ITGA6: variants seen among roughly 807,000 people sequenced by gnomAD.
ITGA6 encodes the protein integrin subunit alpha 6.
ITGA6 carries 63 observed loss-of-function variants against 133.6 expected under a neutral mutation model. The observed-to-expected ratio is 0.47, with a 90% confidence interval of 0.38 to 0.58. ITGA6 has a LOEUF of 0.58. Among genes scored for constraint, ITGA6 ranks in the 20% least tolerant of loss-of-function variants. ITGA6 has a pLI of 0.00. For synonymous variants in ITGA6, 434 were observed against 482.0 expected, an observed-to-expected ratio of 0.90 and a Z score of 1.30; for missense variants, 1,068 against 1,309.4, an observed-to-expected ratio of 0.82 and a Z score of 2.85.
At position 172,473,925 on chromosome 2, in the gene ITGA6, T is replaced by C. The variant is rs78359722; in HGVS notation, c.776-130T>C. On this transcript the variant is annotated intron_variant, in intron 5 of 25. Coordinates refer to ENST00000684293, the MANE Select transcript of ITGA6 (RefSeq NM_000210.4). Reference sequence around the variant, plus strand: ...TCTGTCACTCATATTACGAATGTGATAGCTGGTGGGAGGGTCAAGAGGAGA... The same window carrying C: ...TCTGTCACTCATATTACGAATGTGACAGCTGGTGGGAGGGTCAAGAGGAGA... 0.014 allele frequency: 8,638 copies of C among 638,936 alleles called. 533 individuals are homozygous for C. The African/African-American group carries it at 0.14, about 10-fold the overall frequency. The allele number at this position is 638,936 out of a possible 1,614,324, so 39.6% of individuals were successfully genotyped here. A position where few individuals can be genotyped will look rare whatever the true frequency, so the allele number is the denominator to read the frequency against.
Position 172,454,488 on chromosome 2 carries a change from G to C in ITGA6, c.183-11051G>C, listed in dbSNP as rs552535519. Reference sequence around the variant, plus strand: ...GCAGTTCAAAGAGTAGAGAGTGATGGAGAGGGTTAACCCAGAATGTGCCCT... The same window carrying C: ...GCAGTTCAAAGAGTAGAGAGTGATGCAGAGGGTTAACCCAGAATGTGCCCT... On this transcript the variant is annotated intron_variant, in intron 1 of 25. Transcript: ENST00000684293. Among the ~76,000 whole-genome samples the C allele has an allele frequency of 8.7e-4, 133 of 152,134 alleles. No individual in the cohort carries two copies. In the Middle Eastern group the frequency reaches 0.014, roughly 16 times the overall value.
chr2:172,470,748 T>C (rs1049074906), intron 4 of ITGA6, among the ~76,000 whole-genome samples: 4 of 152,256 alleles, frequency 2.6e-5, no homozygotes, highest in African/African-American at 9.6e-5. Context: ...AGATAGTTCA[T>C]GAAAATGCAT....
At chr2:172,465,358 T>G (rs1410809598) in intron 1 of ITGA6, 181 bp from the exon 2 acceptor site, 13 of 716,040 alleles carry the variant, frequency 1.8e-5, no homozygotes, top group Non-Finnish European at 2.9e-5. Flanking sequence ...TAGTTGTGTT[T>G]GTGCGTTTTG....
At chr2:172,486,627 A>G (rs1025944269) in intron 13 of ITGA6, among the ~76,000 whole-genome samples, 1 of 152,238 alleles carries the variant, frequency 6.6e-6, no homozygotes, top group African/African-American at 2.4e-5. Context: ...CGTTGGTATC[A>G]TCATTATTAT....
rs767885240 is a variant in ITGA6, at chr2:172,488,131, C to T, written c.2408C>T (p.Ala803Val). 6.2e-7 allele frequency: 1 copy of T among 1,613,814 alleles called. No individual in the cohort carries two copies. Among genetic ancestry groups the T allele is most frequent in the Non-Finnish European group, 8.5e-7 (1 of 1,179,774 alleles). Residue 803 changes from alanine (A) to valine (V), a missense_variant, in exon 19 of 26, where the codon GCT becomes GTT. Ala to Val is a moderately conservative substitution (Grantham distance 64). Around this residue, in one of 3 missense-constraint regions of ITGA6, gnomAD observed 609 missense variants for 707.2 expected, o/e 0.86. Coordinates refer to ENST00000684293, the MANE Select transcript of ITGA6 (RefSeq NM_000210.4). ...GGTGTTTTTTAATTTGACAGAGTTG[C>T]TAAACCTTCCCAGGTGTATTTTGGA... is the stretch of plus-strand genomic sequence containing the variant. ...IELLLSVSGV[A>V]KPSQVYFGGT... is the part of the protein sequence containing the mutation.
chr2:172,471,774 G>A (rs1204188189), intron 5 of ITGA6, among the ~76,000 whole-genome samples: 2 of 151,904 alleles, frequency 1.3e-5, no homozygotes, highest in African/African-American at 4.8e-5. Context: ...TGTACATTAT[G>A]GTAATTACAC....
upstream of ITGA6, chr2:172,427,425 G>C: frequency 1.9e-6 from 2 of 1,031,052 alleles, no homozygotes; most frequent in Non-Finnish European, 2.3e-6. Flanking sequence ...CCCACGTCGT[G>C]GCTTCCGGGC....
chr2:172,470,886 A>T (rs1685902723), intron 4 of ITGA6, 88 bp from the exon 5 acceptor site: 1 of 1,387,904 alleles, frequency 7.2e-7, no homozygotes, highest in Admixed American at 1.9e-5. Context: ...GTAACTAGTG[A>T]TAGCATGGGG....
Position 172,476,417 on chromosome 2 carries a change from A to T in ITGA6, c.1292A>T (p.Tyr431Phe). 1 of 1,606,800 alleles carries T rather than the reference A, an allele frequency of 6.2e-7. No individual in the cohort carries two copies. Among genetic ancestry groups the T allele is most frequent in the Non-Finnish European group, 8.5e-7 (1 of 1,173,498 alleles). Residue 431 changes from tyrosine to phenylalanine, a missense_variant, in exon 9 of 26, where the codon TAT (tyrosine) becomes TTT (phenylalanine). Tyr to Phe is a conservative substitution (Grantham distance 22). Transcript: ENST00000684293. Reference sequence around the variant, plus strand: ...CAGGTTCTCAAGGGTATATCACCTTATTTTGGATATTCAATTGCTGGAAAC... The same window carrying T: ...CAGGTTCTCAAGGGTATATCACCTTTTTTTGGATATTCAATTGCTGGAAAC... ...PTQVLKGISP[Y>F]FGYSIAGNMD...
At chr2:172,462,415 C>T (rs1234798122) in intron 1 of ITGA6, among the ~76,000 whole-genome samples, 3 of 152,230 alleles carry the variant, frequency 2.0e-5, no homozygotes, top group Non-Finnish European at 4.4e-5. Context: ...GGGTACATTT[C>T]TCTTGTCGTT....
chr2:172,453,218 T>A (rs6433358), intron 1 of ITGA6, among the ~76,000 whole-genome samples: 29,688 of 146,554 alleles, frequency 0.2, 3,013 homozygotes, highest in African/African-American at 0.24. Flanking sequence ...TGTTACACAA[T>A]TTTTTTTTTT....
At chr2:172,440,667 T>A (rs1292472250) in intron 1 of ITGA6, among the ~76,000 whole-genome samples, 1 of 152,240 alleles carries the variant, frequency 6.6e-6, no homozygotes, top group African/African-American at 2.4e-5. Flanking sequence ...GCTTATTATG[T>A]GTTTTTCCAA....
At chr2:172,452,534 C>A (rs1486958605) in intron 1 of ITGA6, among the ~76,000 whole-genome samples, 1 of 152,136 alleles carries the variant, frequency 6.6e-6, no homozygotes, top group Non-Finnish European at 1.5e-5. Flanking sequence ...GCCTGGTGGA[C>A]CAGCTCCAGG....
intron 1 of ITGA6, among the ~76,000 whole-genome samples, chr2:172,447,866 A>C (rs551680764): frequency 6.6e-6 from 1 of 152,232 alleles, no homozygotes; most frequent in African/African-American, 2.4e-5. Context: ...TACGTGGTAA[A>C]GACTTTGAGC....
At chr2:172,473,003 G>A (rs1686012962) in intron 5 of ITGA6, 3 of 680,592 alleles carry the variant, frequency 4.4e-6, no homozygotes, top group South Asian at 3.4e-5. Flanking sequence ...TTCCATTGAA[G>A]CACACACAAA....
At position 172,487,788 on chromosome 2, in the gene ITGA6, A is replaced by G. The variant is rs1286572902; in HGVS notation, c.2305A>G (p.Ile769Val). ...CACCTTTGACACCCCAGATCTGGAT[A>G]TTAATCTGAAGTTAGAAACGTAAGA... The part of the protein sequence containing the change: ...EVTFDTPDLD[I>V]NLKLETTSNQ... The change falls in exon 17 of 26, where the codon ATT becomes GTT. Residue 769 changes from isoleucine to valine, a missense_variant. Ile to Val is a conservative substitution (Grantham distance 29). This residue lies in a region of ITGA6 where 609 missense variants were observed against 707.2 expected (regional missense o/e 0.86). Coordinates refer to ENST00000684293, the MANE Select transcript of ITGA6 (RefSeq NM_000210.4). 3 of 1,609,470 alleles carry G rather than the reference A, an allele frequency of 1.9e-6. No homozygotes were observed. The highest frequency in any genetic ancestry group is 3.3e-5 in the Admixed American group (2 of 60,014).
Position 172,501,857 on chromosome 2 carries a change from A to G in ITGA6, c.3200A>G (p.Glu1067Gly). ...AEIHAQPSDKERLTSDA is the reference protein window; with the variant it reads ...AEIHAQPSDKGRLTSDA ...ATCCATGCTCAGCCATCTGATAAAG[A>G]GAGGCTTACTTCTGATGCATAGTAT... Residue 1067 changes from glutamate (E) to glycine (G), a missense_variant, in exon 25 of 26, where the codon GAG (glutamate) becomes GGG (glycine). By Grantham distance (98) the Glu-to-Gly change is moderately conservative. Transcript: ENST00000684293. 6.2e-7 allele frequency: 1 copy of G among 1,611,858 alleles called. No homozygotes were observed. Among genetic ancestry groups the G allele is most frequent in the South Asian group, 1.1e-5 (1 of 91,032 alleles).
At chr2:172,459,281 A>ACC (rs1685334490) in intron 1 of ITGA6, among the ~76,000 whole-genome samples, 1 of 152,166 alleles carries the variant, frequency 6.6e-6, no homozygotes, top group South Asian at 2.1e-4. Flanking sequence ...AGGTAGGCGG[A>ACC]TCCCTTGAGG....
At chr2:172,448,050 G>A (rs1684838061) in intron 1 of ITGA6, among the ~76,000 whole-genome samples, 1 of 152,088 alleles carries the variant, frequency 6.6e-6, no homozygotes, top group Non-Finnish European at 1.5e-5. Flanking sequence ...TGTCACATGA[G>A]CATCATATTC....
Sources: gnomAD v4.1 joint callset for allele counts (sites outside exome capture counted in the v4.1 genomes callset) on GRCh38, gnomAD v4.1.1 for gene constraint, gnomAD v4.1.1 regional missense constraint, MANE v1.5 for transcripts, NCBI Gene and HGNC (gene_info 2026-07-23, HGNC 2026-07-21) for gene names.